The following TRIO variants were observed in gnomAD, a reference collection of about 807,000 sequenced individuals.
The protein encoded by TRIO is trio Rho guanine nucleotide exchange factor.
In TRIO, 58 loss-of-function variants were observed where a neutral mutation model predicts 351.9. The ratio of observed to expected loss-of-function variants is 0.16; its 90% confidence interval spans 0.13 to 0.21. The LOEUF (loss-of-function observed/expected upper bound fraction) is 0.21. TRIO is among the 10% of genes least tolerant of loss of function. The pLI, the probability that TRIO is intolerant of heterozygous loss-of-function variation, is 1.00. For synonymous variants in TRIO, 1,758 were observed against 1,595.7 expected, an observed-to-expected ratio of 1.10 and a Z score of -2.42; for missense variants, 3,201 against 4,027.8, an observed-to-expected ratio of 0.79 and a Z score of 5.56.
intron 1 of TRIO, among the ~76,000 whole-genome samples, chr5:14,225,798 C>CT (rs200060523): frequency 1.5e-5 from 2 of 134,302 alleles, no homozygotes; most frequent in African/African-American, 3.2e-5. Context: ...TCCCACCCCC[C>CT]CCCCCACCTC....
intron 34 of TRIO, among the ~76,000 whole-genome samples, chr5:14,440,581 T>C (rs1207887386): frequency 6.6e-6 from 1 of 152,276 alleles, no homozygotes; most frequent in Non-Finnish European, 1.5e-5. Context: ...TGCAAGAATT[T>C]ACATTTTCAG....
intron 31 of TRIO, among the ~76,000 whole-genome samples, chr5:14,403,948 G>A (rs1748467305): frequency 6.7e-6 from 1 of 148,308 alleles, no homozygotes; most frequent in South Asian, 2.2e-4. Flanking sequence ...TGCAGGTTGT[G>A]AGGGTGTAGG....
intron 2 of TRIO, among the ~76,000 whole-genome samples, chr5:14,276,235 T>G (rs1735508376): frequency 6.6e-6 from 1 of 152,206 alleles, no homozygotes; most frequent in Non-Finnish European, 1.5e-5. Context: ...CCATTCATCT[T>G]GAATATTCTT....
intron 1 of TRIO, among the ~76,000 whole-genome samples, chr5:14,155,071 A>G (rs1272697596): frequency 6.6e-6 from 1 of 152,152 alleles, no homozygotes; most frequent in Non-Finnish European, 1.5e-5. Flanking sequence ...GTTTTTGGTC[A>G]TTTAGTTGGT....
chr5:14,462,472 T>C (rs1264487056), intron 35 of TRIO, among the ~76,000 whole-genome samples: 2 of 152,222 alleles, frequency 1.3e-5, no homozygotes, highest in East Asian at 3.8e-4. Context: ...TTTTTAAAAA[T>C]TGGCTTCTCA....
chr5:14,439,387 T>C (rs1751846501), intron 34 of TRIO, among the ~76,000 whole-genome samples: 1 of 152,238 alleles, frequency 6.6e-6, no homozygotes, highest in African/African-American at 2.4e-5. Context: ...ATTGTACTCA[T>C]TTTTAAGCTT....
rs1267018754 is a variant in TRIO at position 14,362,191 on chromosome 5, A to G, written c.2392-1541A>G. Among the ~76,000 whole-genome samples, 3 of 152,240 alleles carry G rather than the reference A, an allele frequency of 2.0e-5. No individual in the cohort carries two copies. The East Asian group carries it at 5.8e-4, about 29-fold the overall frequency. On this transcript the variant is annotated intron_variant, in intron 13 of 56. Transcript: ENST00000344204. ...TGGAACTACCGTGTGCCTGTCCCAC[A>G]GATTCAGCATGATTTTGCCAGACTG...
intron 28 of TRIO, among the ~76,000 whole-genome samples, chr5:14,394,724 T>C (rs1462474274): frequency 6.6e-6 from 1 of 152,222 alleles, no homozygotes; most frequent in Non-Finnish European, 1.5e-5. Context: ...TGACCTCTGC[T>C]TTTTATTAGT....
At chr5:14,446,473 G>A (rs1206304770) in intron 34 of TRIO, among the ~76,000 whole-genome samples, 1 of 152,102 alleles carries the variant, frequency 6.6e-6, no homozygotes, top group Admixed American at 6.5e-5. Flanking sequence ...AAAATGCAGT[G>A]CCATTCAGTG....
intron 33 of TRIO, among the ~76,000 whole-genome samples, chr5:14,419,162 G>A (rs976162787): frequency 6.6e-6 from 1 of 152,260 alleles, no homozygotes; most frequent in East Asian, 1.9e-4. Context: ...TGCCTGCTGC[G>A]TGTTGAGGCC....
chr5:14,254,687 G>A (rs1794931561), intron 1 of TRIO, among the ~76,000 whole-genome samples: 1 of 152,232 alleles, frequency 6.6e-6, no homozygotes, highest in Non-Finnish European at 1.5e-5. Context: ...AGTAGCATAA[G>A]TGGGTTATTG....
chr5:14,349,796 G>T (rs1250877573), intron 11 of TRIO, among the ~76,000 whole-genome samples: 1 of 152,154 alleles, frequency 6.6e-6, no homozygotes, highest in East Asian at 1.9e-4. Context: ...TGTCACAGGG[G>T]GTTGGTGTAC....
At chr5:14,358,918 T>C (rs193223795) in intron 12 of TRIO, among the ~76,000 whole-genome samples, 1 of 152,152 alleles carries the variant, frequency 6.6e-6, no homozygotes, top group Admixed American at 6.6e-5. Context: ...GACTGATAAC[T>C]TTACGTGACG....
intron 1 of TRIO, among the ~76,000 whole-genome samples, chr5:14,262,151 CCCTTT>C (rs1169532320): frequency 6.6e-6 from 1 of 152,180 alleles, no homozygotes; most frequent in Non-Finnish European, 1.5e-5. Flanking sequence ...TCAGCATAGC[CCCTTT>C]CCTTTAGGAG....
intron 10 of TRIO, among the ~76,000 whole-genome samples, chr5:14,332,416 C>T (rs1232058970): frequency 6.6e-6 from 1 of 152,214 alleles, no homozygotes; most frequent in Non-Finnish European, 1.5e-5. Context: ...AGGAGGATAA[C>T]TGCCTCCATA....
chr5:14,355,154 G>A (rs1743502038), intron 11 of TRIO, among the ~76,000 whole-genome samples: 1 of 152,184 alleles, frequency 6.6e-6, no homozygotes, highest in Non-Finnish European at 1.5e-5. Context: ...CATGTGGAAG[G>A]CAGGTTACCA....
intron 21 of TRIO, among the ~76,000 whole-genome samples, chr5:14,382,495 C>T (rs572514380): frequency 1.5e-4 from 23 of 152,196 alleles, no homozygotes; most frequent in Non-Finnish European, 2.2e-4. Flanking sequence ...ATGGGGGGCG[C>T]AGCAAGAAGA....
At chr5:14,304,923 T>G (rs992374559) in intron 8 of TRIO, among the ~76,000 whole-genome samples, 7 of 152,350 alleles carry the variant, frequency 4.6e-5, no homozygotes, top group African/African-American at 1.7e-4. Flanking sequence ...AAACTCAATT[T>G]AATCTTCCCA....
chr5:14,406,982 C>T (rs1245973094), intron 33 of TRIO, among the ~76,000 whole-genome samples: 13 of 152,188 alleles, frequency 8.5e-5, no homozygotes, highest in Non-Finnish European at 1.6e-4. Context: ...AGCAGAAGAA[C>T]CTATCATTTA....
Sources: gnomAD v4.1 joint callset for allele counts (sites outside exome capture counted in the v4.1 genomes callset) on GRCh38, gnomAD v4.1.1 for gene constraint, MANE v1.5 for transcripts, NCBI Gene and HGNC (gene_info 2026-07-23, HGNC 2026-07-21) for gene names.